SH2B1: variants seen among roughly 807,000 people sequenced by gnomAD.
SH2B1 encodes SH2B adapter protein 1.
In SH2B1, 15 loss-of-function variants were observed where a neutral mutation model predicts 62.6. That is an observed-to-expected ratio of 0.24 (90% CI 0.16 to 0.37). SH2B1 has a LOEUF of 0.37. Among genes scored for constraint, SH2B1 ranks in the 10% least tolerant of loss-of-function variants. SH2B1 has a pLI of 1.00. For missense variants in SH2B1, 925 were observed against 1,015.6 expected, an observed-to-expected ratio of 0.91 and a Z score of 1.21; for synonymous variants, 443 against 438.0, an observed-to-expected ratio of 1.01 and a Z score of -0.14.
intron 1 of SH2B1, among the ~76,000 whole-genome samples, chr16:28,852,915 CAT>C (rs536692830): frequency 0.017 from 778 of 44,652 alleles, 71 homozygotes; most frequent in African/African-American, 0.066. Flanking sequence ...TATACATGTA[CAT>C]ATATATATTT....
chr16:28,866,417 T>C lies in SH2B1; in HGVS notation c.323T>C (p.Leu108Pro), dbSNP rs780754138. The change falls in exon 1 of 8, where the codon CTT (leucine) becomes CCT (proline). Residue 108 changes from leucine (L) to proline (P), a missense_variant. Physicochemically the swap from Leu to Pro is moderately conservative, Grantham distance 98 (BLOSUM62 -3). Around this residue, in one of 3 missense-constraint regions of SH2B1, gnomAD observed 683 missense variants for 704.0 expected, o/e 0.97. Transcript: ENST00000684370. The surrounding 1 kb of genome is among the most constrained non-coding windows in gnomAD (Gnocchi z 6.3). ...GAGATTTCGCCACATGACCTGTCCC[T>C]TGAGAGCTGCAGGGTGGGTGGGCCC... ...GAEISPHDLS[L>P]ESCRVGGPLA... 46 of 1,613,822 alleles carry C rather than the reference T, an allele frequency of 2.9e-5. No individual in the cohort carries two copies. The highest frequency in any genetic ancestry group is 3.4e-5 in the Non-Finnish European group (40 of 1,180,022).
At chr16:28,856,824 A>G (rs1962331887) in intron 1 of SH2B1, among the ~76,000 whole-genome samples, 1 of 152,108 alleles carries the variant, frequency 6.6e-6, no homozygotes, top group Non-Finnish European at 1.5e-5. Context: ...CTTGTGGACC[A>G]CTGCACCAAC....
At chr16:28,871,366 G>A (rs932770039) in intron 4 of SH2B1, among the ~76,000 whole-genome samples, 13 of 152,220 alleles carry the variant, frequency 8.5e-5, no homozygotes, top group African/African-American at 3.1e-4. Context: ...GGGCACGGTG[G>A]CTCACGCCTG....
At chr16:28,852,389 T>C (rs1242783079) in intron 1 of SH2B1, among the ~76,000 whole-genome samples, 2 of 75,810 alleles carry the variant, frequency 2.6e-5, no homozygotes, top group Non-Finnish European at 4.4e-5. Flanking sequence ...TATATTTATA[T>C]ATATACATAT....
chr16:28,851,178 G>GA lies in SH2B1; in HGVS notation c.-301+4364dup, dbSNP rs1199929955. On this transcript the variant is annotated intron_variant, in intron 1 of 10. Transcript: ENST00000322610. ...ACAGAGCAAGACTCTGTCTCAAAAA[G>GA]AAAAAAAAAAAAACCAACCTATCCA... Among the ~76,000 whole-genome samples the GA allele has an allele frequency of 4.8e-3, 628 of 131,308 alleles. 6 individuals are homozygous for GA. Among genetic ancestry groups the GA allele is most frequent in the African/African-American group, 0.012 (420 of 35,570 alleles). 86.1% of individuals were successfully genotyped at this position (131,308 alleles called of 152,430 possible).
At chr16:28,857,002 G>A (rs1325361391) in intron 1 of SH2B1, among the ~76,000 whole-genome samples, 1 of 152,120 alleles carries the variant, frequency 6.6e-6, no homozygotes, top group Admixed American at 6.6e-5. Context: ...GGTACTTGAG[G>A]CCAGCCCCAG....
intron 1 of SH2B1, among the ~76,000 whole-genome samples, chr16:28,854,213 A>C (rs1295877197): frequency 1.3e-5 from 2 of 151,840 alleles, no homozygotes; most frequent in African/African-American, 4.8e-5. Context: ...GGATCACTTG[A>C]TCACTTGAGC....
chr16:28,852,897 T>TA (rs1962203596), intron 1 of SH2B1, among the ~76,000 whole-genome samples: 2 of 99,522 alleles, frequency 2.0e-5, no homozygotes, highest in South Asian at 3.2e-4. Flanking sequence ...TTTACATATA[T>TA]TTTTATATAT....
At position 28,865,937 on chromosome 16, in the gene SH2B1, G is replaced by A; in HGVS notation, c.-158G>A. 3 of 1,420,638 alleles carry A rather than the reference G, an allele frequency of 2.1e-6. No individual in the cohort carries two copies. Among genetic ancestry groups the A allele is most frequent in the East Asian group, 2.6e-5 (1 of 38,708 alleles). 88.0% of individuals were successfully genotyped at this position (1,420,638 alleles called of 1,614,324 possible). A position where few individuals can be genotyped will look rare whatever the true frequency, so the allele number is the denominator to read the frequency against. ...GTCTGAAGTAGGGTCGGACGTCTCTGGCTGGGGGTGGGATGCAGCCTCCGG... is the reference window on the plus strand; with the variant it reads ...GTCTGAAGTAGGGTCGGACGTCTCTAGCTGGGGGTGGGATGCAGCCTCCGG... On this transcript the variant is annotated 5_prime_UTR_variant, in exon 1 of 8. Coordinates refer to ENST00000684370, the MANE Select transcript of SH2B1 (RefSeq NM_001387430.1).
In SH2B1 at chr16:28,873,383, G is replaced by A. The variant is rs1425133941; in HGVS notation, c.1898-64G>A. The stretch of plus-strand genomic sequence containing the variant: ...ACGCTCCTGGGGGGCTGAGTGAAGG[G>A]GAGGCCACGGCAGGAGCTCACCTGC... On this transcript the variant is annotated intron_variant, in intron 7 of 7. Coordinates refer to ENST00000684370, the MANE Select transcript of SH2B1 (RefSeq NM_001387430.1). The surrounding 1 kb of genome is among the most constrained non-coding windows in gnomAD (Gnocchi z 4.2). 1.9e-6 allele frequency: 3 copies of A among 1,582,466 alleles called. No homozygotes were observed. Among genetic ancestry groups the A allele is most frequent in the Middle Eastern group, 1.7e-4 (1 of 5,962 alleles).
intron 1 of SH2B1, among the ~76,000 whole-genome samples, chr16:28,852,759 T>TATATATATAC (rs1962183045): frequency 1.1e-4 from 2 of 18,766 alleles, no homozygotes; most frequent in African/African-American, 3.3e-4. Flanking sequence ...CATATATATG[T>TATATATATAC]ATATATATAT....
At chr16:28,856,272 CAA>C (rs56248422) in intron 1 of SH2B1, among the ~76,000 whole-genome samples, 34 of 97,378 alleles carry the variant, frequency 3.5e-4, no homozygotes, top group South Asian at 1.9e-3. Context: ...GACTCCATCT[CAA>C]AAAAAAAAAA....
chr16:28,869,405 G>C lies in SH2B1; in HGVS notation c.1309+22G>C, dbSNP rs372113227. The stretch of plus-strand genomic sequence containing the variant: ...CAGGGTAAGGGTGGAGCCTTAGAGA[G>C]CTCGGAGCCTCGGAACCTGCCATGC... On this transcript the variant is annotated intron_variant, in intron 4 of 7. Transcript: ENST00000684370. The C allele has an allele frequency of 3.5e-5, 56 of 1,597,812 alleles. No homozygotes were observed. In the African/African-American group the frequency reaches 7.1e-4, roughly 20 times the overall value.
chr16:28,873,241 C>T lies in SH2B1; in HGVS notation c.1898-206C>T. ...ATGCCACCCCGATGCCTCCTGCACC[C>T]TCATGCCCTTCGGAGCGAGTGACTG... On this transcript the variant is annotated intron_variant, in intron 7 of 7. Transcript: ENST00000684370. This position sits in a 1 kb window ranked among gnomAD's most constrained non-coding sequence, Gnocchi z 4.2. 6.2e-7 allele frequency: 1 copy of T among 1,607,446 alleles called. No individual in the cohort carries two copies.
Position 28,866,351 on chromosome 16 carries a change from C to T in SH2B1, c.257C>T (p.Ser86Phe). 1 of 1,613,000 alleles carries T rather than the reference C, an allele frequency of 6.2e-7. No homozygotes were observed. Among genetic ancestry groups the T allele is most frequent in the African/African-American group, 1.3e-5 (1 of 75,046 alleles). The change falls in exon 1 of 8, where the codon TCC (serine) becomes TTC (phenylalanine). Residue 86 changes from serine to phenylalanine, a missense_variant. By Grantham distance (155) the Ser-to-Phe change is radical. Coordinates refer to ENST00000684370, the MANE Select transcript of SH2B1 (RefSeq NM_001387430.1). The surrounding 1 kb of genome is among the most constrained non-coding windows in gnomAD (Gnocchi z 6.3). ...GCCGAGGTGGCCCGGGCCTCTGGCT[C>T]CCTGTCGCCACCCATCCTGGCTCCC... ...FEAEVARASG[S>F]LSPPILAPLS...
In SH2B1 at chr16:28,864,002, G is replaced by C; in HGVS notation, c.-2093G>C. The stretch of plus-strand genomic sequence containing the variant: ...GTACCTTTTCCCTCTCCGCGACCCG[G>C]CCCTGGCGCCCGAGAGGATTCCTGG... On this transcript the variant is annotated 5_prime_UTR_variant, in exon 1 of 8. Coordinates refer to ENST00000684370, the MANE Select transcript of SH2B1 (RefSeq NM_001387430.1). 9.2e-6 allele frequency: 13 copies of C among 1,409,504 alleles called. No homozygotes were observed. Among genetic ancestry groups the C allele is most frequent in the Non-Finnish European group, 1.2e-5 (13 of 1,084,800 alleles). 87.3% of individuals were successfully genotyped at this position (1,409,504 alleles called of 1,614,324 possible). A position where few individuals can be genotyped will look rare whatever the true frequency, so the allele number is the denominator to read the frequency against.
In SH2B1 at chr16:28,867,344, G is replaced by T; in HGVS notation, c.953G>T (p.Arg318Leu). 6.2e-7 allele frequency: 1 copy of T among 1,614,012 alleles called. No individual in the cohort carries two copies. Among genetic ancestry groups the T allele is most frequent in the Non-Finnish European group, 8.5e-7 (1 of 1,179,936 alleles). ...CTCCTGACTTAGGCCTCTCGGCCCC[G>T]ACTCAGCATCCCCTGCTCTTCTATC... ...FFVPPKASRP[R>L]LSIPCSSITD... Residue 318 changes from arginine to leucine, a missense_variant, in exon 2 of 8, where the codon CGA becomes CTA. Physicochemically the swap from Arg to Leu is moderately radical, Grantham distance 102 (BLOSUM62 -2). This residue lies in a region of SH2B1 where 683 missense variants were observed against 704.0 expected (regional missense o/e 0.97). Coordinates refer to ENST00000684370, the MANE Select transcript of SH2B1 (RefSeq NM_001387430.1).
chr16:28,860,485 C>T (rs1176057753), upstream of SH2B1, among the ~76,000 whole-genome samples: 1 of 151,722 alleles, frequency 6.6e-6, no homozygotes, highest in Admixed American at 6.6e-5. Context: ...TCAGGTGATC[C>T]GCCTGCCTTG....
chr16:28,852,819 CAT>C (rs1347855224), intron 1 of SH2B1, among the ~76,000 whole-genome samples: 3 of 42,050 alleles, frequency 7.1e-5, no homozygotes, highest in Non-Finnish European at 1.1e-4. Context: ...CATATATTTA[CAT>C]ATATATTTAT....
Sources: gnomAD v4.1 joint callset for allele counts (sites outside exome capture counted in the v4.1 genomes callset) on GRCh38, gnomAD v4.1.1 for gene constraint, gnomAD v4.1.1 regional missense constraint, Gnocchi (gnomAD v3.1) non-coding constraint, MANE v1.5 for transcripts, NCBI Gene and HGNC (gene_info 2026-07-23, HGNC 2026-07-21) for gene names.